DNAH2: variants seen among roughly 807,000 people sequenced by gnomAD.
DNAH2 encodes the protein dynein axonemal heavy chain 2.
In DNAH2, 323 loss-of-function variants were observed where a neutral mutation model predicts 523.5. That is an observed-to-expected ratio of 0.62 (90% CI 0.56 to 0.68). The LOEUF is 0.68. Ranked by LOEUF, DNAH2 falls within the 30% of genes least tolerant of loss-of-function variation. The pLI, the probability that DNAH2 is intolerant of heterozygous loss-of-function variation, is 0.00. For synonymous variants in DNAH2, 2,093 were observed against 2,177.4 expected (o/e 0.96, Z 1.08); for missense variants, 4,907 against 5,701.5 (o/e 0.86, Z 4.49).
At chr17:7,784,212 A>G (rs975237394) in intron 39 of DNAH2, among the ~76,000 whole-genome samples, 1 of 152,230 alleles carries the variant, frequency 6.6e-6, no homozygotes, top group African/African-American at 2.4e-5. Context: ...CAAAATAAGT[A>G]GAGCAAATTT....
intron 39 of DNAH2, among the ~76,000 whole-genome samples, chr17:7,783,813 A>C (rs1403141390): frequency 1.3e-5 from 2 of 151,648 alleles, no homozygotes; most frequent in East Asian, 1.9e-4. Flanking sequence ...AAAAAAAAAA[A>C]CAAAAAACAG....
intron 22 of DNAH2, 103 bp from the exon 23 acceptor site, chr17:7,767,797 A>G: frequency 4.7e-6 from 7 of 1,484,672 alleles, no homozygotes; most frequent in Non-Finnish European, 6.4e-6. Context: ...TGTATTATCT[A>G]GAGGGGAAGC....
intron 30 of DNAH2, 134 bp downstream of exon 30, chr17:7,775,476 G>C (rs375463977): frequency 1.3e-6 from 1 of 771,992 alleles, no homozygotes; most frequent in East Asian, 2.8e-5. Context: ...ACCTGAGGTC[G>C]GGAGTTTGAG....
intron 3 of DNAH2, among the ~76,000 whole-genome samples, chr17:7,726,684 C>T (rs928491438): frequency 1.3e-5 from 2 of 152,096 alleles, no homozygotes; most frequent in African/African-American, 4.8e-5. Flanking sequence ...GTATTTTACA[C>T]TTCTTTTGGA....
At position 7,764,272 on chromosome 17, in the gene DNAH2, G is replaced by A. The variant is rs767003804; in HGVS notation, c.3335G>A (p.Ser1112Asn). Residue 1112 changes from serine to asparagine, a missense_variant and splice_region_variant, in exon 20 of 86, where the codon AGT (serine) becomes AAT (asparagine). Transcript: ENST00000572933. Reference sequence around the variant, plus strand: ...AAGTACGAGGTGCCAGTCGAGGACAGTGTGAGTTCCTTTGGTGTTTGGTTT... The same window carrying A: ...AAGTACGAGGTGCCAGTCGAGGACAATGTGAGTTCCTTTGGTGTTTGGTTT... The part of the protein sequence containing the change: ...LEKYEVPVED[S>N]VLEMLDSLNG... 1.9e-6 allele frequency: 3 copies of A among 1,597,302 alleles called. No homozygotes were observed. The African/African-American group carries it at 4.0e-5, about 21-fold the overall frequency.
Position 7,742,944 on chromosome 17 carries a change from A to G in DNAH2, c.1706A>G (p.His569Arg). 2 of 1,465,622 alleles carry G rather than the reference A, an allele frequency of 1.4e-6. No homozygotes were observed. The highest frequency in any genetic ancestry group is 2.5e-5 in the East Asian group (1 of 40,688). The allele number at this position is 1,465,622 out of a possible 1,614,324, so 90.8% of individuals were successfully genotyped here. A position where few individuals can be genotyped will look rare whatever the true frequency, so the allele number is the denominator to read the frequency against. The change falls in exon 12 of 86, where the codon CAT (histidine) becomes CGT (arginine). Residue 569 changes from histidine to arginine, a missense_variant. His to Arg is a conservative substitution (Grantham distance 29). Transcript: ENST00000572933. ...DRVMTCLAGA[H>R]FLPRIGTGKE... Reference sequence around the variant, plus strand: ...TCCCCTCAGTGCCTTGCTGGTGCTCATTTCCTGCCCCGTATTGGGACTGGA... The same window carrying G: ...TCCCCTCAGTGCCTTGCTGGTGCTCGTTTCCTGCCCCGTATTGGGACTGGA...
intron 59 of DNAH2, 22 bp from the exon 60 acceptor site, chr17:7,804,936 C>A: frequency 6.2e-7 from 1 of 1,605,368 alleles, no homozygotes; most frequent in South Asian, 1.1e-5. Flanking sequence ...ACAAAAAACC[C>A]TTGTCCTTTT....
chr17:7,789,371 G>A lies in DNAH2; in HGVS notation c.6900+1127G>A, dbSNP rs558950452. Among the ~76,000 whole-genome samples, 4 of 152,286 alleles carry A rather than the reference G, an allele frequency of 2.6e-5. No homozygotes were observed. The South Asian group carries it at 8.3e-4, about 32-fold the overall frequency. On this transcript the variant is annotated intron_variant, in intron 44 of 85. Transcript: ENST00000572933. ...AGGCCTGGCAGGGCGGGCCGAGCTG[G>A]TGGTCTGTAGCCGGATGTGGTGGGT... is the stretch of plus-strand genomic sequence containing the variant.
At chr17:7,725,072 T>C (rs967728453) in intron 3 of DNAH2, among the ~76,000 whole-genome samples, 11 of 151,242 alleles carry the variant, frequency 7.3e-5, no homozygotes, top group Admixed American at 3.3e-4. Flanking sequence ...TTAAACCTTT[T>C]CACAAAACAT....
At chr17:7,737,040 C>A in intron 7 of DNAH2, 27 bp from the exon 8 acceptor site, 1 of 1,596,596 alleles carries the variant, frequency 6.3e-7, no homozygotes, top group South Asian at 1.1e-5. Flanking sequence ...GTGCATAAAT[C>A]TATTTCTCAT....
intron 12 of DNAH2, among the ~76,000 whole-genome samples, chr17:7,752,160 T>TACACACACACACAC (rs1555544463): frequency 0.028 from 3,542 of 124,854 alleles, 79 homozygotes; most frequent in Non-Finnish European, 0.041. Context: ...TAAGTCATTT[T>TACACACACACACAC]ACACACACAC....
At position 7,828,705 on chromosome 17, in the gene DNAH2, A is replaced by G. The variant is rs1176989614; in HGVS notation, c.11854-1595A>G. On this transcript the variant is annotated intron_variant, in intron 77 of 85. Coordinates refer to ENST00000572933, the MANE Select transcript of DNAH2 (RefSeq NM_020877.5). This position sits in a 1 kb window ranked among gnomAD's most constrained non-coding sequence, Gnocchi z 4.1. ...GTGATCCTCCCATCTTGGCCTCCCA[A>G]AGTGCTGAGATTACAGGTGTGAGCC... Among the ~76,000 whole-genome samples, 5 of 152,060 alleles carry G rather than the reference A, an allele frequency of 3.3e-5. No individual in the cohort carries two copies. The highest frequency in any genetic ancestry group is 1.9e-4 in the East Asian group (1 of 5,200).
intron 31 of DNAH2, 82 bp downstream of exon 31, chr17:7,776,231 C>T (rs1362629396): frequency 1.7e-5 from 26 of 1,488,920 alleles, no homozygotes; most frequent in Admixed American, 5.9e-5. Flanking sequence ...TTTGGGAGGC[C>T]GAGGTGGGCA....
At chr17:7,738,206 C>A (rs1218916945) in intron 8 of DNAH2, 1 of 666,182 alleles carries the variant, frequency 1.5e-6, no homozygotes, top group Middle Eastern at 2.4e-4. Flanking sequence ...TTCCTGTACA[C>A]TTTGTTTAGC....
In DNAH2 at chr17:7,765,397, G is replaced by A. The variant is rs771216061; in HGVS notation, c.3343G>A (p.Glu1115Lys). ...YEVPVEDSVL[E>K]MLDSLNGEWV... ...CACTCTCTGACTCCCCCAGGTCCTGGAGATGCTGGACAGTCTCAACGGGGA... is the reference window on the plus strand; with the variant it reads ...CACTCTCTGACTCCCCCAGGTCCTGAAGATGCTGGACAGTCTCAACGGGGA... The change falls in exon 21 of 86, where the codon GAG (glutamate) becomes AAG (lysine). Residue 1115 changes from glutamate to lysine, a missense_variant. Around this residue, in one of 3 missense-constraint regions of DNAH2, gnomAD observed 2,806 missense variants for 3,190.8 expected, o/e 0.88. Transcript: ENST00000572933. 8.7e-6 allele frequency: 14 copies of A among 1,612,852 alleles called. No individual in the cohort carries two copies. The South Asian group carries it at 1.5e-4, about 18-fold the overall frequency.
rs1416678936 is a variant in DNAH2 at position 7,739,850 on chromosome 17, A to G, written c.1288A>G (p.Ile430Val). 6.2e-7 allele frequency: 1 copy of G among 1,613,842 alleles called. No individual in the cohort carries two copies. The highest frequency in any genetic ancestry group is 1.3e-5 in the African/African-American group (1 of 74,846). The change falls in exon 9 of 86, where the codon ATC becomes GTC. Residue 430 changes from isoleucine to valine, a missense_variant. This residue lies in a region of DNAH2 where 2,806 missense variants were observed against 3,190.8 expected (regional missense o/e 0.88). Coordinates refer to ENST00000572933, the MANE Select transcript of DNAH2 (RefSeq NM_020877.5). ...ACGGAACTTGCTGGAGATTGAGGAC[A>G]TCTTTCATAAAAATCTGCACACGCT... ...ITRNLLEIED[I>V]FHKNLHTLRA...
At chr17:7,815,989 C>T (rs931494823) in intron 63 of DNAH2, among the ~76,000 whole-genome samples, 2 of 152,088 alleles carry the variant, frequency 1.3e-5, no homozygotes, top group African/African-American at 4.8e-5. Flanking sequence ...TGAATAGAGG[C>T]GGGGTCTCAC....
intron 63 of DNAH2, among the ~76,000 whole-genome samples, chr17:7,808,561 A>G (rs929234807): frequency 6.6e-6 from 1 of 152,190 alleles, no homozygotes; most frequent in East Asian, 1.9e-4. Context: ...AAAGGTACAA[A>G]GGAGTATCCA....
rs181006960 is a variant in DNAH2 at position 7,740,766 on chromosome 17, C to T, written c.1507-44C>T. On this transcript the variant is annotated intron_variant, in intron 10 of 85. Coordinates refer to ENST00000572933, the MANE Select transcript of DNAH2 (RefSeq NM_020877.5). ...CTGGGATGAGTGACCGGAGGGAACC[C>T]GCCTTCCCGGGCACGTCGCCAGCCT... is the stretch of plus-strand genomic sequence containing the variant. The T allele has an allele frequency of 4.2e-5, 66 of 1,580,598 alleles. No homozygotes were observed. In the African/African-American group the frequency reaches 6.7e-4, roughly 16 times the overall value.
Sources: gnomAD v4.1 joint callset for allele counts (sites outside exome capture counted in the v4.1 genomes callset) on GRCh38, gnomAD v4.1.1 for gene constraint, gnomAD v4.1.1 regional missense constraint, Gnocchi (gnomAD v3.1) non-coding constraint, MANE v1.5 for transcripts, NCBI Gene and HGNC (gene_info 2026-07-23, HGNC 2026-07-21) for gene names.